The following GCLC variants were observed in gnomAD, a reference collection of about 807,000 sequenced individuals.
GCLC encodes glutamate-cysteine ligase catalytic subunit.
GCLC carries 30 observed loss-of-function variants against 81.5 expected under a neutral mutation model. That is an observed-to-expected ratio of 0.37 (90% CI 0.28 to 0.50). GCLC has a LOEUF of 0.50. Among genes scored for constraint, GCLC ranks in the 20% least tolerant of loss-of-function variants. The pLI is 0.96. For missense variants in GCLC, 556 were observed against 777.4 expected, an observed-to-expected ratio of 0.72 and a Z score of 3.39; for synonymous variants, 262 against 273.3, an observed-to-expected ratio of 0.96 and a Z score of 0.41.
intron 3 of GCLC, among the ~76,000 whole-genome samples, chr6:53,518,455 T>C (rs1311666277): frequency 6.6e-6 from 1 of 152,154 alleles, no homozygotes; most frequent in Admixed American, 6.5e-5. Context: ...TTCACCATGT[T>C]GGCCAGGCTG....
At chr6:53,525,219 G>A (rs1763059827) in intron 1 of GCLC, among the ~76,000 whole-genome samples, 1 of 152,162 alleles carries the variant, frequency 6.6e-6, no homozygotes, top group Admixed American at 6.5e-5. Flanking sequence ...AGTCCTCAAA[G>A]AGGTTCTTCA....
Position 53,498,938 on chromosome 6 carries a change from T to A in GCLC, c.1732A>T (p.Arg578Trp). The A allele has an allele frequency of 1.2e-6, 2 of 1,613,118 alleles. No homozygotes were observed. Among genetic ancestry groups the A allele is most frequent in the Non-Finnish European group, 1.7e-6 (2 of 1,179,178 alleles). ...GELMTVARWMREFIANHPDYK... is the reference protein window; with the variant it reads ...GELMTVARWMWEFIANHPDYK... ...TCAGGATGGTTTGCGATAAACTCCCTCATCCATCTGGCAACTGTCATTAGT... is the reference window on the plus strand; with the variant it reads ...TCAGGATGGTTTGCGATAAACTCCCACATCCATCTGGCAACTGTCATTAGT... Residue 578 changes from arginine to tryptophan, a missense_variant, in exon 16 of 16, where the codon AGG (arginine) becomes TGG (tryptophan). By Grantham distance (101) the Arg-to-Trp change is moderately radical (BLOSUM62 -3). Around this residue, in one of 3 missense-constraint regions of GCLC, gnomAD observed 313 missense variants for 437.3 expected, o/e 0.72. Coordinates refer to ENST00000650454, the MANE Select transcript of GCLC (RefSeq NM_001498.4).
chr6:53,499,869 ACTAAT>A (rs1363127577), intron 15 of GCLC, among the ~76,000 whole-genome samples, 171 bp downstream of exon 15: 6 of 152,224 alleles, frequency 3.9e-5, no homozygotes, highest in Admixed American at 2.6e-4. Flanking sequence ...AAAAAGCACT[ACTAAT>A]CTAAATTATG....
At chr6:53,513,896 G>A in intron 6 of GCLC, 1 of 333,018 alleles carries the variant, frequency 3.0e-6, no homozygotes, top group African/African-American at 2.1e-5. Flanking sequence ...GTAAAAACTA[G>A]GCATATAAAA....
intron 1 of GCLC, 26 bp downstream of exon 1, chr6:53,544,470 C>G: frequency 6.2e-7 from 1 of 1,602,682 alleles, no homozygotes; most frequent in African/African-American, 1.3e-5. Context: ...GGGTGCCCGG[C>G]GGGGACGGGG....
At chr6:53,507,379 TA>T in intron 9 of GCLC, 100 bp downstream of exon 9, 1 of 1,160,576 alleles carries the variant, frequency 8.6e-7, no homozygotes. Flanking sequence ...GACTTTGCAC[TA>T]AAAATAGAAA....
chr6:53,539,821 G>A (rs1170698000), intron 1 of GCLC, among the ~76,000 whole-genome samples: 1 of 152,146 alleles, frequency 6.6e-6, no homozygotes, highest in Admixed American at 6.5e-5. Flanking sequence ...CTGTTTCTCA[G>A]TTATTTCTCA....
chr6:53,509,411 G>A (rs1012893715), intron 6 of GCLC, 161 bp from the exon 7 acceptor site: 2 of 667,926 alleles, frequency 3.0e-6, no homozygotes, highest in Admixed American at 4.4e-5. Context: ...GTTGTCTTAG[G>A]TGAATTTAAC....
chr6:53,540,809 G>A (rs1358034168), intron 1 of GCLC, among the ~76,000 whole-genome samples: 1 of 152,096 alleles, frequency 6.6e-6, no homozygotes, highest in African/African-American at 2.4e-5. Context: ...AGATTCACAT[G>A]ATGATGCCGC....
chr6:53,522,362 T>C (rs755784814), intron 2 of GCLC, 53 bp downstream of exon 2: 26 of 1,019,202 alleles, frequency 2.6e-5, no homozygotes, highest in Non-Finnish European at 4.1e-5. Flanking sequence ...AAACTCTATA[T>C]TCTAGAAGTT....
intron 3 of GCLC, among the ~76,000 whole-genome samples, chr6:53,519,508 C>T (rs1288002889): frequency 4.7e-5 from 7 of 147,946 alleles, no homozygotes; most frequent in Admixed American, 1.4e-4. Context: ...CCCACTTTGA[C>T]GCTTATGAAT....
At chr6:53,537,350 C>G (rs1370998745) in intron 1 of GCLC, among the ~76,000 whole-genome samples, 1 of 152,200 alleles carries the variant, frequency 6.6e-6, no homozygotes, top group Non-Finnish European at 1.5e-5. Context: ...TAGAGAGATG[C>G]GACAACTTTG....
chr6:53,536,992 C>T (rs1345061967), intron 1 of GCLC, among the ~76,000 whole-genome samples: 1 of 152,210 alleles, frequency 6.6e-6, no homozygotes, highest in Non-Finnish European at 1.5e-5. Context: ...AAGACTTCTA[C>T]AAGCTGGCTA....
At chr6:53,531,550 A>G (rs1269695456) in intron 1 of GCLC, among the ~76,000 whole-genome samples, 1 of 152,128 alleles carries the variant, frequency 6.6e-6, no homozygotes, top group Admixed American at 6.5e-5. Flanking sequence ...AGCCTCCTTC[A>G]TTTCAACCCA....
rs774475215 is a variant in GCLC, at chr6:53,505,835, T to C, written c.1258A>G (p.Ile420Val). The C allele has an allele frequency of 1.9e-6, 3 of 1,609,260 alleles. No individual in the cohort carries two copies. Among genetic ancestry groups the C allele is most frequent in the East Asian group, 2.2e-5 (1 of 44,846 alleles). ...RFKPPPPNSD[I>V]GWRVEFRPME... is the part of the protein sequence containing the mutation. ...GGTCGAAATTCTACTCTCCATCCAATGTCTGAGTTTGGAGGAGGGGGCTTA... is the reference window on the plus strand; with the variant it reads ...GGTCGAAATTCTACTCTCCATCCAACGTCTGAGTTTGGAGGAGGGGGCTTA... Residue 420 changes from isoleucine (I) to valine (V), a missense_variant, in exon 11 of 16, where the codon ATT becomes GTT. This residue lies in a region of GCLC where 313 missense variants were observed against 437.3 expected (regional missense o/e 0.72). Transcript: ENST00000650454.
chr6:53,499,011 G>GT (rs17880610), intron 15 of GCLC, 44 bp from the exon 16 acceptor site: 14,051 of 1,019,698 alleles, frequency 0.014, no homozygotes, highest in Non-Finnish European at 0.017. Flanking sequence ...AACCACGTAA[G>GT]TTTTTTTTTT....
chr6:53,530,926 A>G (rs918514660), intron 1 of GCLC, among the ~76,000 whole-genome samples: 23 of 152,132 alleles, frequency 1.5e-4, no homozygotes, highest in African/African-American at 4.1e-4. Flanking sequence ...ACTGTCACAG[A>G]GCTCTTTTCC....
intron 1 of GCLC, among the ~76,000 whole-genome samples, chr6:53,536,275 A>G (rs1763255874): frequency 6.6e-6 from 1 of 152,240 alleles, no homozygotes; most frequent in African/African-American, 2.4e-5. Flanking sequence ...AATGCAAACT[A>G]CAGAAAGCAA....
intron 9 of GCLC, 37 bp downstream of exon 9, chr6:53,507,443 G>A (rs370339892): frequency 1.7e-5 from 28 of 1,607,008 alleles, no homozygotes; most frequent in East Asian, 1.6e-4. Flanking sequence ...AACTAAAGGC[G>A]TACATTCAAA....
Sources: allele counts gnomAD v4.1 joint callset (sites outside exome capture counted in the v4.1 genomes callset), GRCh38; gene constraint gnomAD v4.1.1; regional missense constraint gnomAD v4.1.1; transcripts MANE v1.5; gene names NCBI Gene and HGNC (gene_info 2026-07-23, HGNC 2026-07-21).